Variants in ASB1 observed in about 807,000 individuals in gnomAD.
ASB1 encodes ankyrin repeat and SOCS box protein 1.
In ASB1, 18 loss-of-function variants were observed where a neutral mutation model predicts 27.7. That is an observed-to-expected ratio of 0.65 (90% CI 0.45 to 0.96). ASB1 has a LOEUF of 0.96. Ranked by LOEUF, ASB1 falls within the 50% of genes least tolerant of loss-of-function variation. The pLI is 0.00. For synonymous variants in ASB1, 189 were observed against 187.6 expected, an observed-to-expected ratio of 1.01 and a Z score of -0.06; for missense variants, 397 against 451.7, an observed-to-expected ratio of 0.88 and a Z score of 1.10.
chr2:238,444,503 A>G lies in ASB1; in HGVS notation c.656A>G (p.Asp219Gly). ...RLLLLAGANPDFNCNGPVNTQ... is the reference protein window; with the variant it reads ...RLLLLAGANPGFNCNGPVNTQ... ...CTCCTCCTGGCTGGCGCGAACCCTG[A>G]CTTCAACTGCAATGGTCCTGTCAAC... Residue 219 changes from aspartate to glycine, a missense_variant, in exon 4 of 5, where the codon GAC becomes GGC. Transcript: ENST00000264607. The G allele has an allele frequency of 1.2e-6, 2 of 1,614,148 alleles. No homozygotes were observed. The highest frequency in any genetic ancestry group is 2.2e-5 in the South Asian group (2 of 91,076).
chr2:238,446,509 T>C lies in ASB1; in HGVS notation c.1006T>C (p.Ter336GlnextTer32), dbSNP rs766462917. The C allele has an allele frequency of 6.2e-7, 1 of 1,613,882 alleles. No individual in the cohort carries two copies. Among genetic ancestry groups the C allele is most frequent in the South Asian group, 1.1e-5 (1 of 91,082 alleles). The change falls in exon 5 of 5, where the codon TAG (stop) becomes CAG (glutamine). Residue 336 changes from the stop codon to glutamine (Q), a stop_lost. Transcript: ENST00000264607. Reference protein sequence around the residue: ...DPIKKFLLHE* With the variant: ...DPIKKFLLHEQ ...CATAAAGAAGTTTCTACTCCATGAG[T>C]AGACTCCAAGTGCTGCGGTTGATTC...
In ASB1 at chr2:238,438,912, C is replaced by T. The variant is rs1339359239; in HGVS notation, c.494+2899C>T. Among the ~76,000 whole-genome samples, 5 of 152,244 alleles carry T rather than the reference C, an allele frequency of 3.3e-5. No homozygotes were observed. The East Asian group carries it at 9.7e-4, about 29-fold the overall frequency. ...TTGAGTTCTCCCAGTGCTTCCTTGCCAGTGATATTAAAAGCAATAGAGGAA... is the reference window on the plus strand; with the variant it reads ...TTGAGTTCTCCCAGTGCTTCCTTGCTAGTGATATTAAAAGCAATAGAGGAA... On this transcript the variant is annotated intron_variant, in intron 3 of 4. Coordinates refer to ENST00000264607, the MANE Select transcript of ASB1 (RefSeq NM_001040445.3).
intron 3 of ASB1, among the ~76,000 whole-genome samples, chr2:238,441,055 A>G (rs966299254): frequency 6.6e-6 from 1 of 152,166 alleles, no homozygotes; most frequent in South Asian, 2.1e-4. Context: ...AGTGTGCCTG[A>G]AAAGAAAGAT....
chr2:238,435,959 C>T lies in ASB1; in HGVS notation c.440C>T (p.Pro147Leu). Residue 147 changes from proline to leucine, a missense_variant, in exon 3 of 5, where the codon CCT becomes CTT. By Grantham distance (98) the Pro-to-Leu change is moderately conservative. Transcript: ENST00000264607. ...PNGSRHHRST[P>L]VYHASRVGRA... ...GGAAGCCGGCACCATCGCAGCACCC[C>T]TGTCTACCACGCCTCTCGCGTGGGC... is the stretch of plus-strand genomic sequence containing the variant. The T allele has an allele frequency of 1.2e-6, 2 of 1,614,088 alleles. No individual in the cohort carries two copies. The highest frequency in any genetic ancestry group is 1.6e-4 in the Middle Eastern group (1 of 6,062).
In ASB1 at chr2:238,444,391, C is replaced by A. The variant is rs865835581; in HGVS notation, c.544C>A (p.Pro182Thr). ...VNHHLTPDVQPRFSRRLTSLV... is the reference protein window; with the variant it reads ...VNHHLTPDVQTRFSRRLTSLV... ...CCACCACCTGACTCCTGATGTCCAG[C>A]CTCGATTCTCCCGGCGGCTCACCTC... Residue 182 changes from proline to threonine, a missense_variant, in exon 4 of 5, where the codon CCT becomes ACT. Coordinates refer to ENST00000264607, the MANE Select transcript of ASB1 (RefSeq NM_001040445.3). 1 of 1,613,422 alleles carries A rather than the reference C, an allele frequency of 6.2e-7. No homozygotes were observed. Among genetic ancestry groups the A allele is most frequent in the Middle Eastern group, 1.7e-4 (1 of 6,060 alleles).
chr2:238,427,035 C>CGCG lies in ASB1; in HGVS notation c.-34_-32dup. 8.0e-7 allele frequency: 1 copy of CGCG among 1,243,514 alleles called. No individual in the cohort carries two copies. The highest frequency in any genetic ancestry group is 1.0e-6 in the Non-Finnish European group (1 of 993,538). The allele number at this position is 1,243,514 out of a possible 1,614,324, so 77.0% of individuals were successfully genotyped here. A position where few individuals can be genotyped will look rare whatever the true frequency, so the allele number is the denominator to read the frequency against. Reference sequence around the variant, plus strand: ...TTCTGCTTCCTGCCCGAGGGGCGTGCGCGGGTCAGGGGCGGCCGCGGAGGC... The same window carrying CGCG: ...TTCTGCTTCCTGCCCGAGGGGCGTGCGCGGCGGGTCAGGGGCGGCCGCGGAGGC... On this transcript the variant is annotated 5_prime_UTR_variant, in exon 1 of 5. Transcript: ENST00000264607.
chr2:238,441,137 A>AT (rs35579640), intron 3 of ASB1, among the ~76,000 whole-genome samples: 4,700 of 141,898 alleles, frequency 0.033, 140 homozygotes, highest in African/African-American at 0.074. Flanking sequence ...TTTGCTTTCA[A>AT]TTTTTTTTTT....
intron 1 of ASB1, among the ~76,000 whole-genome samples, chr2:238,431,745 GGA>G (rs56108822): frequency 0.093 from 14,143 of 152,220 alleles, 746 homozygotes; most frequent in Non-Finnish European, 0.12. Flanking sequence ...GGAGGCCTGA[GGA>G]GAGAGTGGGA....
intron 1 of ASB1, among the ~76,000 whole-genome samples, chr2:238,429,025 C>CGGCA (rs1294938587): frequency 1.6e-4 from 25 of 152,168 alleles, no homozygotes; most frequent in Non-Finnish European, 3.2e-4. Flanking sequence ...AAGAGCTGTT[C>CGGCA]ATGCCGGCTT....
rs1701769802 is a variant in ASB1 at position 238,427,087 on chromosome 2, G to A, written c.17G>A (p.Ser6Asn). Reference sequence around the variant, plus strand: ...GAAGCATCCATGGCGGAGGGCGGCAGCCCAGACGGGCGGGCAGGGCCGGGC... The same window carrying A: ...GAAGCATCCATGGCGGAGGGCGGCAACCCAGACGGGCGGGCAGGGCCGGGC... MAEGG[S>N]PDGRAGPGSA... Residue 6 changes from serine (S) to asparagine (N), a missense_variant, in exon 1 of 5, where the codon AGC becomes AAC. By Grantham distance (46) the Ser-to-Asn change is conservative. Transcript: ENST00000264607. The A allele has an allele frequency of 7.9e-7, 1 of 1,262,382 alleles. No homozygotes were observed. The highest frequency in any genetic ancestry group is 1.0e-6 in the Non-Finnish European group (1 of 1,004,910). 78.2% of individuals were successfully genotyped at this position (1,262,382 alleles called of 1,614,324 possible).
rs1324167447 is a variant in ASB1, at chr2:238,449,256, T to G, written c.*2745T>G. On this transcript the variant is annotated 3_prime_UTR_variant, in exon 5 of 5. Coordinates refer to ENST00000264607, the MANE Select transcript of ASB1 (RefSeq NM_001040445.3). Reference sequence around the variant, plus strand: ...TTACAGAATAGGAAGAGTAGCACTTTCCGCCTAAGCACTTTAGGAAATCAC... The same window carrying G: ...TTACAGAATAGGAAGAGTAGCACTTGCCGCCTAAGCACTTTAGGAAATCAC... 1.3e-5 allele frequency: 2 copies of G among 152,260 alleles called. No homozygotes were observed. Among genetic ancestry groups the G allele is most frequent in the Non-Finnish European group, 2.9e-5 (2 of 68,058 alleles). 9.4% of individuals were successfully genotyped at this position (152,260 alleles called of 1,614,324 possible). A position where few individuals can be genotyped will look rare whatever the true frequency, so the allele number is the denominator to read the frequency against.
intron 1 of ASB1, among the ~76,000 whole-genome samples, chr2:238,430,876 A>G (rs1701859021): frequency 6.6e-6 from 1 of 152,240 alleles, no homozygotes; most frequent in Non-Finnish European, 1.5e-5. Flanking sequence ...AGTAAGTCTC[A>G]ACATTGGGCT....
rs190559312 is a variant in ASB1, at chr2:238,443,858, A to G, written c.495-484A>G. On this transcript the variant is annotated intron_variant, in intron 3 of 4. Transcript: ENST00000264607. ...TTGGAGTTACCTGTGCATTCTTGGG[A>G]TAACTCCCATGAGGTCATGGTATAT... 3.8e-4 allele frequency among the ~76,000 whole-genome samples: 57 copies of G among 151,994 alleles called. 1 individual carries two copies. The highest frequency in any genetic ancestry group is 1.3e-4 in the Non-Finnish European group (9 of 68,016).
At chr2:238,431,090 G>A (rs1334562366) in intron 1 of ASB1, among the ~76,000 whole-genome samples, 1 of 152,358 alleles carries the variant, frequency 6.6e-6, no homozygotes, top group East Asian at 1.9e-4. Context: ...CTCTAGCTAT[G>A]AAAGTCCTAG....
intron 1 of ASB1, among the ~76,000 whole-genome samples, chr2:238,431,502 A>C (rs1414277649): frequency 6.6e-5 from 10 of 152,220 alleles, no homozygotes; most frequent in Admixed American, 6.5e-4. Context: ...CAGGGGTAGC[A>C]CTTTTAATTT....
Position 238,444,440 on chromosome 2 carries a change from T to A in ASB1, c.593T>A (p.Ile198Asn). ...TCCTTGGTGGTCTGCCCCTTGTACATCAGCGCAGCCTACCACAACCTCCAG... is the reference window on the plus strand; with the variant it reads ...TCCTTGGTGGTCTGCCCCTTGTACAACAGCGCAGCCTACCACAACCTCCAG... ...LTSLVVCPLY[I>N]SAAYHNLQCF... Residue 198 changes from isoleucine (I) to asparagine (N), a missense_variant, in exon 4 of 5, where the codon ATC becomes AAC. Physicochemically the swap from Ile to Asn is moderately radical, Grantham distance 149 (BLOSUM62 -3). Transcript: ENST00000264607. The A allele has an allele frequency of 1.9e-6, 3 of 1,614,158 alleles. No homozygotes were observed. The highest frequency in any genetic ancestry group is 2.5e-6 in the Non-Finnish European group (3 of 1,180,038).
At chr2:238,433,271 G>T (rs756737323) in intron 1 of ASB1, 10 of 308,386 alleles carry the variant, frequency 3.2e-5, no homozygotes, top group Non-Finnish European at 4.9e-5. Flanking sequence ...ATAAGGGAAG[G>T]TTTCTACTAT....
intron 3 of ASB1, among the ~76,000 whole-genome samples, chr2:238,437,573 T>TA (rs1701997671): frequency 1.3e-5 from 2 of 152,038 alleles, no homozygotes; most frequent in Admixed American, 6.6e-5. Context: ...TTTTTTTTTT[T>TA]CTTTTTCAAC....
intron 3 of ASB1, among the ~76,000 whole-genome samples, chr2:238,442,629 A>T (rs909973738): frequency 6.6e-6 from 1 of 152,220 alleles, no homozygotes; most frequent in South Asian, 2.1e-4. Context: ...TGTCAGAATT[A>T]GGCAAATTTT....
Sources: gnomAD v4.1 joint callset for allele counts (sites outside exome capture counted in the v4.1 genomes callset) on GRCh38, gnomAD v4.1.1 for gene constraint, MANE v1.5 for transcripts, NCBI Gene and HGNC (gene_info 2026-07-23, HGNC 2026-07-21) for gene names.